EML4: variants seen among roughly 807,000 people sequenced by gnomAD.
The protein encoded by EML4 is EMAP like 4, also known as echinoderm microtubule-associated protein-like 4.
In EML4, 72 loss-of-function variants were observed where a neutral mutation model predicts 129.0. The observed-to-expected ratio is 0.56, with a 90% CI of 0.46 to 0.68. The LOEUF (loss-of-function observed/expected upper bound fraction) is 0.68. EML4 is among the 30% of genes least tolerant of loss of function. EML4 has a pLI of 0.00. For missense variants in EML4, 1,363 were observed against 1,190.6 expected (o/e 1.14, Z -2.13); for synonymous variants, 532 against 405.0 (o/e 1.31, Z -3.77).
At chr2:42,179,116 T>C (rs568659641) in intron 1 of EML4, among the ~76,000 whole-genome samples, 1 of 152,256 alleles carries the variant, frequency 6.6e-6, no homozygotes, top group East Asian at 1.9e-4. Context: ...CACCAATGGA[T>C]TTGTGTGTCT....
intron 11 of EML4, among the ~76,000 whole-genome samples, chr2:42,290,995 C>G (rs937748884): frequency 4.6e-5 from 7 of 151,972 alleles, no homozygotes; most frequent in African/African-American, 1.5e-4. Flanking sequence ...AGAATAAGGT[C>G]AAAGCACATA....
chr2:42,218,527 A>G (rs1673349022), intron 1 of EML4, among the ~76,000 whole-genome samples: 1 of 152,118 alleles, frequency 6.6e-6, no homozygotes, highest in African/African-American at 2.4e-5. Context: ...GCCCTAGAGT[A>G]TTCCAGATAT....
At chr2:42,204,611 C>T (rs1481772946) in intron 1 of EML4, among the ~76,000 whole-genome samples, 1 of 152,138 alleles carries the variant, frequency 6.6e-6, no homozygotes, top group East Asian at 1.9e-4. Context: ...TGTTTTTCAG[C>T]TATTTAAAAA....
intron 1 of EML4, among the ~76,000 whole-genome samples, chr2:42,179,260 TG>T (rs1202146025): frequency 2.0e-5 from 2 of 101,934 alleles, no homozygotes; most frequent in Admixed American, 1.2e-4. Context: ...GTCGGGGAGC[TG>T]GGTTTTTTTT....
intron 1 of EML4, among the ~76,000 whole-genome samples, chr2:42,203,307 C>T (rs370027442): frequency 7.2e-5 from 11 of 152,160 alleles, no homozygotes; most frequent in African/African-American, 2.4e-4. Context: ...GTCCAGTAGA[C>T]GTAGTTTATC....
intron 1 of EML4, among the ~76,000 whole-genome samples, chr2:42,191,977 T>G (rs562226058): frequency 5.3e-5 from 8 of 151,714 alleles, no homozygotes; most frequent in Non-Finnish European, 8.8e-5. Flanking sequence ...CCATCCCTAC[T>G]AAAAATACAA....
intron 17 of EML4, among the ~76,000 whole-genome samples, chr2:42,311,693 T>C (rs1232281649): frequency 6.6e-6 from 1 of 152,206 alleles, no homozygotes; most frequent in Non-Finnish European, 1.5e-5. Flanking sequence ...TTGTTCCCTT[T>C]CTCTAAAAAG....
chr2:42,310,596 T>C (rs1668885528), intron 17 of EML4, among the ~76,000 whole-genome samples: 1 of 152,214 alleles, frequency 6.6e-6, no homozygotes, highest in East Asian at 1.9e-4. Flanking sequence ...TCTGCTTGTC[T>C]CAGCCTCCCA....
chr2:42,311,730 T>A (rs1159491905), intron 17 of EML4, among the ~76,000 whole-genome samples: 1 of 151,006 alleles, frequency 6.6e-6, no homozygotes, highest in Admixed American at 6.6e-5. Flanking sequence ...TTGGCATTTC[T>A]AGGCCCAGAA....
intron 21 of EML4, 77 bp downstream of exon 21, chr2:42,326,329 A>T: frequency 1.0e-6 from 1 of 960,034 alleles, no homozygotes; most frequent in Non-Finnish European, 1.6e-6. Flanking sequence ...TAAATTTATA[A>T]ATGAAAAATA....
chr2:42,216,485 C>T (rs947844234), intron 1 of EML4, among the ~76,000 whole-genome samples: 1 of 151,950 alleles, frequency 6.6e-6, no homozygotes. Context: ...TCGTGATCCA[C>T]CTATCTCGGC....
In EML4 at chr2:42,169,362, G is replaced by C. The variant is rs1381077296; in HGVS notation, c.-250G>C. 1 of 204,246 alleles carries C rather than the reference G, an allele frequency of 4.9e-6. No homozygotes were observed. Among genetic ancestry groups the C allele is most frequent in the Non-Finnish European group, 9.9e-6 (1 of 101,374 alleles). 12.7% of individuals were successfully genotyped at this position (204,246 alleles called of 1,614,324 possible). A position where few individuals can be genotyped will look rare whatever the true frequency, so the allele number is the denominator to read the frequency against. ...CGGGGCGCGGCGCGGCGCGGCGCTCGCGGCTGCTGCCTGGGAGGGAGGCCG... is the reference window on the plus strand; with the variant it reads ...CGGGGCGCGGCGCGGCGCGGCGCTCCCGGCTGCTGCCTGGGAGGGAGGCCG... On this transcript the variant is annotated 5_prime_UTR_variant, in exon 1 of 23. Transcript: ENST00000318522.
chr2:42,321,638 A>G (rs576711993), intron 19 of EML4, among the ~76,000 whole-genome samples: 2 of 152,226 alleles, frequency 1.3e-5, no homozygotes, highest in African/African-American at 4.8e-5. Context: ...GAAGCCCCAC[A>G]CAATGACTTC....
intron 1 of EML4, among the ~76,000 whole-genome samples, chr2:42,195,301 TGAGA>T (rs1166620891): frequency 2.6e-5 from 4 of 152,234 alleles, no homozygotes; most frequent in Admixed American, 6.5e-5. Context: ...TTATTTTGTG[TGAGA>T]GAGATTACAT....
chr2:42,230,575 T>A (rs897206641), intron 1 of EML4, among the ~76,000 whole-genome samples: 1 of 152,058 alleles, frequency 6.6e-6, no homozygotes, highest in Non-Finnish European at 1.5e-5. Flanking sequence ...CCCAGCTAAT[T>A]TTTTATTTTT....
intron 1 of EML4, among the ~76,000 whole-genome samples, chr2:42,230,052 C>T (rs1674232392): frequency 2.0e-5 from 3 of 152,256 alleles, no homozygotes; most frequent in East Asian, 3.9e-4. Flanking sequence ...CTCAGCTACA[C>T]GAAACTTCTA....
At chr2:42,292,567 A>G (rs981649724) in intron 11 of EML4, among the ~76,000 whole-genome samples, 1 of 152,218 alleles carries the variant, frequency 6.6e-6, no homozygotes. Flanking sequence ...GGAGAAAAAT[A>G]ATCTTTGCTG....
chr2:42,227,558 G>A (rs1215684348), intron 1 of EML4, among the ~76,000 whole-genome samples: 3 of 147,738 alleles, frequency 2.0e-5, no homozygotes, highest in African/African-American at 7.5e-5. Context: ...AATTTTGTGT[G>A]ACATATTGCA....
intron 4 of EML4, 133 bp from the exon 5 acceptor site, chr2:42,263,045 T>G (rs930565395): frequency 6.0e-5 from 43 of 712,958 alleles, no homozygotes; most frequent in Non-Finnish European, 9.1e-5. Flanking sequence ...CAGGCAGTCT[T>G]TCAACTAATC....
Sources: allele counts gnomAD v4.1 joint callset (sites outside exome capture counted in the v4.1 genomes callset), GRCh38; gene constraint gnomAD v4.1.1; transcripts MANE v1.5; gene names NCBI Gene and HGNC (gene_info 2026-07-23, HGNC 2026-07-21).